The following FRMPD4 variants were observed in gnomAD, a reference collection of about 807,000 sequenced individuals.
The protein encoded by FRMPD4 is FERM and PDZ domain containing 4, also known as FERM and PDZ domain-containing protein 4.
FRMPD4 carries 22 observed loss-of-function variants against 94.1 expected under a neutral mutation model. The ratio of observed to expected loss-of-function variants is 0.23; its 90% CI spans 0.17 to 0.33. FRMPD4 has a LOEUF of 0.33. Among genes scored for constraint, FRMPD4 ranks in the 10% least tolerant of loss-of-function variants. FRMPD4 has a pLI of 1.00. For missense variants in FRMPD4, 1,111 were observed against 1,339.9 expected (o/e 0.83, Z 2.67); for synonymous variants, 631 against 548.6 (o/e 1.15, Z -2.10).
chrX:12,648,813 A>G (rs2059570849), intron 4 of FRMPD4, among the ~76,000 whole-genome samples: 1 of 112,383 alleles, frequency 8.9e-6, no homozygotes, highest in South Asian at 3.7e-4. Context: ...TGGTGCACAT[A>G]GCCTGGGTTG....
chrX:12,349,822 A>T (rs1023705128), intron 1 of FRMPD4, among the ~76,000 whole-genome samples: 1 of 111,586 alleles, frequency 9.0e-6, no homozygotes, highest in Non-Finnish European at 1.9e-5. Flanking sequence ...ACATTTAGGG[A>T]TGTGGATTTC....
In FRMPD4 at chrX:12,718,520, G is replaced by A. The variant is rs768228332; in HGVS notation, c.3694G>A (p.Ala1232Thr). 1 of 1,202,206 alleles carries A rather than the reference G, an allele frequency of 8.3e-7. No individual in the cohort carries two copies. Among genetic ancestry groups the A allele is most frequent in the Admixed American group, 2.2e-5 (1 of 46,092 alleles). ...CGTGSSGSAC[A>T]TPVESPLCPS... is the part of the protein sequence containing the mutation. ...CACAGGCAGCAGTGGCAGTGCCTGT[G>A]CCACACCCGTGGAGTCGCCGCTCTG... is the stretch of plus-strand genomic sequence containing the variant. The change falls in exon 16 of 17, where the codon GCC becomes ACC. Residue 1232 changes from alanine (A) to threonine (T), a missense_variant. Transcript: ENST00000675598.
chrX:12,528,489 T>G (rs1017282292), intron 2 of FRMPD4, among the ~76,000 whole-genome samples: 3 of 108,909 alleles, frequency 2.8e-5, no homozygotes, highest in Non-Finnish European at 3.8e-5. Flanking sequence ...CCCAGCTAAT[T>G]TTTGTATTTT....
chrX:12,531,716 C>T (rs943981360), intron 2 of FRMPD4, among the ~76,000 whole-genome samples: 4 of 111,082 alleles, frequency 3.6e-5, no homozygotes, highest in Non-Finnish European at 7.5e-5. Flanking sequence ...ATTTCATTTA[C>T]CTCCTACCCC....
chrX:12,304,974 G>A (rs1400237987), intron 1 of FRMPD4, among the ~76,000 whole-genome samples: 1 of 111,898 alleles, frequency 8.9e-6, no homozygotes, highest in Non-Finnish European at 1.9e-5. Context: ...CCCGCCGCAA[G>A]ATTAGGGGTA....
chrX:12,720,033 AGGAAAGGAAAGGAAAG>A (rs746644177), intron 16 of FRMPD4, among the ~76,000 whole-genome samples: 3,462 of 59,204 alleles, frequency 0.058, 74 homozygotes, highest in African/African-American at 0.076. Flanking sequence ...AGGAAAGGAA[AGGAAAGGAAAGGAAAG>A]GAAAGAAAGA....
At chrX:11,946,002 A>G (rs757098592) in intron 3 of FRMPD4, among the ~76,000 whole-genome samples, 25 of 112,252 alleles carry the variant, frequency 2.2e-4, no homozygotes, top group Admixed American at 7.5e-4. Flanking sequence ...ATTCCTTCAT[A>G]GAAAAGAATC....
intron 1 of FRMPD4, among the ~76,000 whole-genome samples, chrX:12,377,371 C>T (rs150601929): frequency 3.7e-3 from 420 of 112,247 alleles, no homozygotes; most frequent in African/African-American, 0.012. Context: ...TGGCCATGGC[C>T]TGGTAGCTAC....
At chrX:12,498,873 T>C in intron 2 of FRMPD4, 77 bp downstream of exon 2, 1 of 560,919 alleles carries the variant, frequency 1.8e-6, no homozygotes, top group East Asian at 3.4e-5. Context: ...AGAATGAACA[T>C]ACTTAAATTA....
intron 4 of FRMPD4, among the ~76,000 whole-genome samples, chrX:12,626,528 G>C (rs1461870775): frequency 9.6e-6 from 1 of 104,010 alleles, no homozygotes; most frequent in Non-Finnish European, 2.0e-5. Flanking sequence ...AGTGGGCCAA[G>C]TCTAACCATG....
At chrX:11,888,123 T>A (rs956532202) in intron 3 of FRMPD4, among the ~76,000 whole-genome samples, 1 of 112,265 alleles carries the variant, frequency 8.9e-6, no homozygotes, top group Admixed American at 9.5e-5. Context: ...ATTTTAATTC[T>A]GAGGTTTCAC....
intron 9 of FRMPD4, among the ~76,000 whole-genome samples, chrX:12,695,409 ATTTAT>A (rs1397751666): frequency 4.6e-5 from 5 of 109,625 alleles, no homozygotes; most frequent in Non-Finnish European, 9.5e-5. Context: ...TTTTTTATTT[ATTTAT>A]TTATTTTGAG....
intron 1 of FRMPD4, among the ~76,000 whole-genome samples, chrX:11,828,354 A>G (rs192227061): frequency 3.5e-5 from 4 of 112,683 alleles, no homozygotes; most frequent in African/African-American, 1.3e-4. Flanking sequence ...ACTTTTTGAT[A>G]TATGAGAAAA....
chrX:12,259,110 G>T (rs777223882), intron 1 of FRMPD4, among the ~76,000 whole-genome samples: 2 of 111,632 alleles, frequency 1.8e-5, no homozygotes, highest in Non-Finnish European at 3.8e-5. Flanking sequence ...TCATCAAATA[G>T]TAAGTGTTTG....
At chrX:12,296,905 C>A (rs183095275) in intron 1 of FRMPD4, among the ~76,000 whole-genome samples, 27 of 112,456 alleles carry the variant, frequency 2.4e-4, no homozygotes, top group African/African-American at 8.7e-4. Flanking sequence ...TGGCCATGCT[C>A]ATGGAAGAAA....
intron 1 of FRMPD4, among the ~76,000 whole-genome samples, chrX:12,491,223 C>T (rs978565190): frequency 5.4e-5 from 6 of 110,512 alleles, no homozygotes; most frequent in Non-Finnish European, 1.1e-4. Context: ...AATATATATT[C>T]ACTATAGGAA....
chrX:12,322,206 CTG>C (rs1443353977), intron 1 of FRMPD4, among the ~76,000 whole-genome samples: 2 of 111,733 alleles, frequency 1.8e-5, no homozygotes, highest in Non-Finnish European at 3.8e-5. Flanking sequence ...GGAAACAAAT[CTG>C]TGACCCAGGA....
chrX:12,166,377 A>T (rs755619978), intron 1 of FRMPD4, among the ~76,000 whole-genome samples: 23 of 111,909 alleles, frequency 2.1e-4, no homozygotes, highest in African/African-American at 7.5e-4. Flanking sequence ...ATGTTGAACC[A>T]GCCTTGCATC....
In FRMPD4 at chrX:12,172,930, G is replaced by A. The variant is rs190166055; in HGVS notation, c.41+33918G>A. The stretch of plus-strand genomic sequence containing the variant: ...GTTTTAGCATTTCAAACATCCCCTT[G>A]CTAATTATAGTCTCCGCTTTACATT... On this transcript the variant is annotated intron_variant, in intron 1 of 16. Coordinates refer to ENST00000675598, the MANE Select transcript of FRMPD4 (RefSeq NM_001368397.1). Among the ~76,000 whole-genome samples the A allele has an allele frequency of 6.3e-4, 71 of 112,823 alleles. 1 individual carries two copies. Among genetic ancestry groups the A allele is most frequent in the African/African-American group, 2.2e-3 (69 of 31,106 alleles).
Sources: gnomAD v4.1 joint callset for allele counts (sites outside exome capture counted in the v4.1 genomes callset) on GRCh38, gnomAD v4.1.1 for gene constraint, MANE v1.5 for transcripts, NCBI Gene and HGNC (gene_info 2026-07-23, HGNC 2026-07-21) for gene names.